Variants in ANGPT2 observed in about 807,000 individuals in gnomAD.
The protein encoded by ANGPT2 is angiopoietin 2, also known as angiopoietin-2.
A neutral mutation model predicts 62.9 loss-of-function variants in ANGPT2; 28 were observed. The ratio of observed to expected loss-of-function variants is 0.44; its 90% CI spans 0.33 to 0.61. The LOEUF (loss-of-function observed/expected upper bound fraction) is 0.61. Ranked by LOEUF, ANGPT2 falls within the 20% of genes least tolerant of loss-of-function variation. ANGPT2 has a pLI of 0.03. For missense variants in ANGPT2, 727 were observed against 594.9 expected, an observed-to-expected ratio of 1.22 and a Z score of -2.31; for synonymous variants, 284 against 207.8, an observed-to-expected ratio of 1.37 and a Z score of -3.15.
Position 6,562,968 on chromosome 8 carries a change from A to T in ANGPT2, c.-34T>A, listed in dbSNP as rs777398738. On this transcript the variant is annotated 5_prime_UTR_variant, in exon 1 of 9. Coordinates refer to ENST00000629816, the MANE Select transcript of ANGPT2 (RefSeq NM_001118887.2). ...CAGTAATAAACCAGCAGCTTAGCAA[A>T]CTTGAGGGCAAACACACGTCCAGAG... The T allele has an allele frequency of 6.5e-7, 1 of 1,550,380 alleles. No homozygotes were observed.
chr8:6,531,875 G>C (rs1369908665), intron 2 of ANGPT2, among the ~76,000 whole-genome samples: 1 of 152,164 alleles, frequency 6.6e-6, no homozygotes, highest in East Asian at 1.9e-4. Context: ...CATTCCACAG[G>C]CTGTGTTAGC....
chr8:6,509,127 T>G (rs1326559152), intron 7 of ANGPT2, 65 bp from the exon 8 acceptor site: 1 of 1,569,672 alleles, frequency 6.4e-7, no homozygotes. Flanking sequence ...GTGGCAAATT[T>G]TTTGTGATGA....
intron 7 of ANGPT2, among the ~76,000 whole-genome samples, chr8:6,510,027 G>A (rs1005784480): frequency 6.6e-6 from 1 of 152,124 alleles, no homozygotes; most frequent in African/African-American, 2.4e-5. Context: ...TCACACCATC[G>A]TAAAGTCGAA....
intron 1 of ANGPT2, among the ~76,000 whole-genome samples, chr8:6,553,558 C>G (rs1824049978): frequency 6.6e-6 from 1 of 152,146 alleles, no homozygotes; most frequent in Admixed American, 6.6e-5. Flanking sequence ...GTATAGAACG[C>G]CTTTATTCAA....
At position 6,550,338 on chromosome 8, in the gene ANGPT2, G is replaced by C. The variant is rs149639098; in HGVS notation, c.288+12309C>G. Among the ~76,000 whole-genome samples, 13 of 152,332 alleles carry C rather than the reference G, an allele frequency of 8.5e-5. No homozygotes were observed. In the East Asian group the frequency reaches 2.1e-3, roughly 25 times the overall value. On this transcript the variant is annotated intron_variant, in intron 1 of 8. Coordinates refer to ENST00000629816, the MANE Select transcript of ANGPT2 (RefSeq NM_001118887.2). ...GTGTGTGGGTCCTGGGAGTGAGGCA[G>C]TGTGGCGTGGGGCTGTTGCACACAC...
chr8:6,536,990 AC>A (rs1042363527), intron 1 of ANGPT2, among the ~76,000 whole-genome samples: 6 of 150,618 alleles, frequency 4.0e-5, no homozygotes, highest in African/African-American at 1.2e-4. Context: ...AAAAAAAAAA[AC>A]CAACCCAGTA....
At chr8:6,511,869 C>A (rs1264936552) in intron 7 of ANGPT2, among the ~76,000 whole-genome samples, 1 of 150,632 alleles carries the variant, frequency 6.6e-6, no homozygotes, top group African/African-American at 2.4e-5. Flanking sequence ...TCTTTTTATA[C>A]AAACAGCCTA....
In ANGPT2 at chr8:6,508,979, C is replaced by G. The variant is rs748888754; in HGVS notation, c.1280G>C (p.Gly427Ala). Residue 427 changes from glycine (G) to alanine (A), a missense_variant, in exon 8 of 9, where the codon GGA becomes GCA. By Grantham distance (60) the Gly-to-Ala change is moderately conservative. Transcript: ENST00000629816. ...QPGNDFSTKD[G>A]DNDKCICKCS... ...TTTGCAAATACATTTGTCGTTGTCT[C>G]CATCCTTTGTGCTAAAATCATTTCC... The G allele has an allele frequency of 6.2e-6, 10 of 1,614,148 alleles. No individual in the cohort carries two copies. Among genetic ancestry groups the G allele is most frequent in the South Asian group, 2.2e-5 (2 of 91,068 alleles).
intron 1 of ANGPT2, among the ~76,000 whole-genome samples, chr8:6,551,030 G>T (rs886616226): frequency 5.3e-5 from 8 of 152,188 alleles, no homozygotes; most frequent in African/African-American, 1.7e-4. Context: ...ACAAGTGAAG[G>T]CACTCCAAGG....
chr8:6,521,642 G>C (rs2922896), intron 3 of ANGPT2, among the ~76,000 whole-genome samples: 63 of 152,254 alleles, frequency 4.1e-4, no homozygotes, highest in African/African-American at 1.5e-3. Context: ...GCAGACTTAT[G>C]CATACACACA....
intron 1 of ANGPT2, among the ~76,000 whole-genome samples, chr8:6,552,528 T>G (rs773841763): frequency 2.0e-4 from 30 of 152,236 alleles, no homozygotes; most frequent in Admixed American, 5.2e-4. Context: ...TTAGGGTGAC[T>G]GGAATTATAA....
chr8:6,520,319 T>A (rs1817068568), intron 4 of ANGPT2, among the ~76,000 whole-genome samples: 1 of 152,220 alleles, frequency 6.6e-6, no homozygotes, highest in Admixed American at 6.5e-5. Flanking sequence ...TGAAGATCTT[T>A]CATCTTGAGC....
intron 1 of ANGPT2, among the ~76,000 whole-genome samples, chr8:6,544,788 TC>T (rs1457046543): frequency 1.3e-5 from 2 of 152,188 alleles, no homozygotes; most frequent in Non-Finnish European, 2.9e-5. Flanking sequence ...CTCCCTTACC[TC>T]CTGACTTGAA....
At chr8:6,526,189 G>A (rs574172169) in intron 3 of ANGPT2, among the ~76,000 whole-genome samples, 70 of 150,954 alleles carry the variant, frequency 4.6e-4, no homozygotes, top group African/African-American at 1.3e-3. Context: ...GGATGCTGCG[G>A]TGGGCAGAAG....
chr8:6,522,143 C>A lies in ANGPT2; in HGVS notation c.567-733G>T, dbSNP rs571782661. Among the ~76,000 whole-genome samples the A allele has an allele frequency of 1.1e-4, 16 of 151,804 alleles. No individual in the cohort carries two copies. The East Asian group carries it at 3.2e-3, about 30-fold the overall frequency. ...GGCCGAGGCGGGCGGATCACGAGGT[C>A]GGGAGATTGAGAGTATCCTGGCTAA... On this transcript the variant is annotated intron_variant, in intron 3 of 8. Transcript: ENST00000629816.
At chr8:6,540,396 C>T (rs902767637) in intron 1 of ANGPT2, among the ~76,000 whole-genome samples, 2 of 152,166 alleles carry the variant, frequency 1.3e-5, no homozygotes, top group Non-Finnish European at 2.9e-5. Context: ...GCTGTAGTAA[C>T]CTCATGTAAA....
rs1196847592 is a variant in ANGPT2 at position 6,501,930 on chromosome 8, T to A, written c.*1171A>T. ...ATTTTGTTTTTGCACTTTGAAACCC[T>A]TTTTTTTTTTTCAGTTTGCTGATTG... On this transcript the variant is annotated 3_prime_UTR_variant, in exon 9 of 9. Coordinates refer to ENST00000629816, the MANE Select transcript of ANGPT2 (RefSeq NM_001118887.2). 1.5e-5 allele frequency: 1 copy of A among 67,592 alleles called. No individual in the cohort carries two copies. The allele number at this position is 67,592 out of a possible 1,614,324, so 4.2% of individuals were successfully genotyped here.
chr8:6,514,469 G>A (rs1045714607), intron 6 of ANGPT2, among the ~76,000 whole-genome samples: 8 of 152,180 alleles, frequency 5.3e-5, no homozygotes, highest in African/African-American at 1.2e-4. Context: ...GATTACAGGC[G>A]TGAGCCAGCA....
chr8:6,541,776 G>T (rs1027755528), intron 1 of ANGPT2, among the ~76,000 whole-genome samples: 1 of 152,134 alleles, frequency 6.6e-6, no homozygotes, highest in African/African-American at 2.4e-5. Context: ...GGCCAAGGTA[G>T]GAGGATCACT....
Sources: allele counts gnomAD v4.1 joint callset (sites outside exome capture counted in the v4.1 genomes callset), GRCh38; gene constraint gnomAD v4.1.1; transcripts MANE v1.5; gene names NCBI Gene and HGNC (gene_info 2026-07-23, HGNC 2026-07-21).